The following PHACTR3 variants were observed in gnomAD, a reference collection of about 807,000 sequenced individuals.
The protein encoded by PHACTR3 is phosphatase and actin regulator 3.
A neutral mutation model predicts 66.8 loss-of-function variants in PHACTR3; 16 were observed. The ratio of observed to expected loss-of-function variants is 0.24; its 90% CI spans 0.16 to 0.36. The LOEUF (loss-of-function observed/expected upper bound fraction) is 0.36. Ranked by LOEUF, PHACTR3 falls within the 10% of genes least tolerant of loss-of-function variation. The pLI, the probability that PHACTR3 is intolerant of heterozygous loss-of-function variation, is 1.00. For synonymous variants in PHACTR3, 323 were observed against 292.1 expected, an observed-to-expected ratio of 1.11 and a Z score of -1.08; for missense variants, 647 against 719.9, an observed-to-expected ratio of 0.90 and a Z score of 1.16.
intron 1 of PHACTR3, among the ~76,000 whole-genome samples, chr20:59,734,148 T>C (rs1403434782): frequency 6.6e-6 from 1 of 152,186 alleles, no homozygotes; most frequent in African/African-American, 2.4e-5. Flanking sequence ...CTCTGTTCCA[T>C]AGACCATAAG....
At chr20:59,744,825 G>A (rs928400416) in intron 2 of PHACTR3, among the ~76,000 whole-genome samples, 13 of 152,314 alleles carry the variant, frequency 8.5e-5, no homozygotes, top group Admixed American at 2.6e-4. Context: ...AGAGCTTTCC[G>A]CAGAGTAGGG....
At chr20:59,757,569 C>T (rs1192359767) in intron 4 of PHACTR3, among the ~76,000 whole-genome samples, 1 of 152,122 alleles carries the variant, frequency 6.6e-6, no homozygotes, top group Non-Finnish European at 1.5e-5. Context: ...AGGTGTCTGA[C>T]ACAGCCACTC....
At chr20:59,679,172 C>T (rs542139832) in intron 1 of PHACTR3, among the ~76,000 whole-genome samples, 3 of 152,086 alleles carry the variant, frequency 2.0e-5, no homozygotes, top group East Asian at 1.9e-4. Flanking sequence ...CCTGTCCACG[C>T]GGTTGAAGAT....
At chr20:59,625,218 G>T (rs927511217) in intron 1 of PHACTR3, among the ~76,000 whole-genome samples, 2 of 152,052 alleles carry the variant, frequency 1.3e-5, no homozygotes, top group African/African-American at 4.8e-5. Flanking sequence ...GGTCTGCAGA[G>T]ATCTCTCTGG....
chr20:59,723,092 TTC>T (rs1199058974), intron 1 of PHACTR3, among the ~76,000 whole-genome samples: 1 of 150,550 alleles, frequency 6.6e-6, no homozygotes, highest in African/African-American at 2.5e-5. Context: ...CTTTCTTTCT[TTC>T]TTTCTTTCTT....
chr20:59,781,226 G>A (rs1336376202), intron 7 of PHACTR3, among the ~76,000 whole-genome samples: 1 of 152,194 alleles, frequency 6.6e-6, no homozygotes, highest in African/African-American at 2.4e-5. Flanking sequence ...TGCCTGCTTA[G>A]CAAGGGACAA....
chr20:59,624,105 C>T (rs2034362598), intron 1 of PHACTR3, among the ~76,000 whole-genome samples: 1 of 152,058 alleles, frequency 6.6e-6, no homozygotes, highest in Non-Finnish European at 1.5e-5. Context: ...ATGGCTGGGG[C>T]AGTGTCTCTA....
rs1259714870 is a variant in PHACTR3 at position 59,755,371 on chromosome 20, G to T, written c.541+7G>T. ...GCCCACTTGGACGATGCAGGTACTG[G>T]CTGGAGACCACGCGAAGTTGAGCTG... On this transcript the variant is annotated splice_region_variant and intron_variant, in intron 4 of 12. Coordinates refer to ENST00000371015, the MANE Select transcript of PHACTR3 (RefSeq NM_080672.5). 5 of 1,612,112 alleles carry T rather than the reference G, an allele frequency of 3.1e-6. No homozygotes were observed. In the Admixed American group the frequency reaches 8.3e-5, roughly 27 times the overall value.
intron 8 of PHACTR3, among the ~76,000 whole-genome samples, chr20:59,824,817 A>G (rs894793136): frequency 2.6e-5 from 4 of 152,118 alleles, no homozygotes; most frequent in Non-Finnish European, 5.9e-5. Context: ...CACTCCTGTC[A>G]ACATTGTGGA....
At chr20:59,597,871 A>G (rs1180345644) in intron 1 of PHACTR3, among the ~76,000 whole-genome samples, 1 of 152,240 alleles carries the variant, frequency 6.6e-6, no homozygotes, top group East Asian at 1.9e-4. Context: ...CAGGACTGCA[A>G]ACTGCACCTG....
chr20:59,638,811 C>T (rs56087006), intron 1 of PHACTR3, among the ~76,000 whole-genome samples: 8,736 of 140,546 alleles, frequency 0.062, 471 homozygotes, highest in African/African-American at 0.13. Context: ...GATGGATGGA[C>T]GAATGGATGG....
chr20:59,786,830 G>A (rs1269635120), intron 7 of PHACTR3, among the ~76,000 whole-genome samples: 1 of 152,170 alleles, frequency 6.6e-6, no homozygotes, highest in African/African-American at 2.4e-5. Flanking sequence ...CAGTTGACGG[G>A]TGTCCATGGA....
chr20:59,838,127 G>C (rs911899891), intron 9 of PHACTR3, among the ~76,000 whole-genome samples: 4 of 152,184 alleles, frequency 2.6e-5, no homozygotes, highest in Admixed American at 2.6e-4. Flanking sequence ...CTTCATCAGT[G>C]AATGTAGGTT....
chr20:59,648,989 C>T (rs1437746052), intron 1 of PHACTR3, among the ~76,000 whole-genome samples: 4 of 152,230 alleles, frequency 2.6e-5, no homozygotes, highest in South Asian at 2.1e-4. Flanking sequence ...ATATAGGCAT[C>T]GAAGCATCAG....
At chr20:59,732,555 C>G (rs998291791) in intron 1 of PHACTR3, among the ~76,000 whole-genome samples, 5 of 152,116 alleles carry the variant, frequency 3.3e-5, no homozygotes, top group Admixed American at 3.3e-4. Flanking sequence ...TTCTTAGCAC[C>G]TCCACTAACC....
At chr20:59,752,337 G>T (rs1289869362) in intron 3 of PHACTR3, among the ~76,000 whole-genome samples, 1 of 152,230 alleles carries the variant, frequency 6.6e-6, no homozygotes, top group Non-Finnish European at 1.5e-5. Flanking sequence ...GGCTGCTCAG[G>T]TGCACTGCCC....
intron 7 of PHACTR3, 132 bp from the exon 8 acceptor site, chr20:59,805,909 G>C: frequency 1.0e-6 from 1 of 983,660 alleles, no homozygotes; most frequent in Non-Finnish European, 1.5e-6. Flanking sequence ...TGTCCTCTCA[G>C]TTCTAGCCAC....
At chr20:59,748,376 G>A (rs982524105) in intron 3 of PHACTR3, among the ~76,000 whole-genome samples, 1 of 152,146 alleles carries the variant, frequency 6.6e-6, no homozygotes, top group African/African-American at 2.4e-5. Context: ...AGGCGTGGGA[G>A]GGTCTGGGTG....
At position 59,743,143 on chromosome 20, in the gene PHACTR3, A is replaced by T. The variant is rs760777308; in HGVS notation, c.155A>T (p.Tyr52Phe). 1 of 1,614,032 alleles carries T rather than the reference A, an allele frequency of 6.2e-7. No homozygotes were observed. Among genetic ancestry groups the T allele is most frequent in the Non-Finnish European group, 8.5e-7 (1 of 1,179,938 alleles). Residue 52 changes from tyrosine (Y) to phenylalanine (F), a missense_variant, in exon 2 of 13, where the codon TAT (tyrosine) becomes TTT (phenylalanine). By Grantham distance (22) the Tyr-to-Phe change is conservative. Coordinates refer to ENST00000371015, the MANE Select transcript of PHACTR3 (RefSeq NM_080672.5). ...MDQTPPARPE[Y>F]LVSGIRTPPV... Reference sequence around the variant, plus strand: ...CAAACGCCCCCGGCGCGTCCTGAATATCTGGTCTCAGGGATTCGAACTCCC... The same window carrying T: ...CAAACGCCCCCGGCGCGTCCTGAATTTCTGGTCTCAGGGATTCGAACTCCC...
Sources: gnomAD v4.1 joint callset for allele counts (sites outside exome capture counted in the v4.1 genomes callset) on GRCh38, gnomAD v4.1.1 for gene constraint, MANE v1.5 for transcripts, NCBI Gene and HGNC (gene_info 2026-07-23, HGNC 2026-07-21) for gene names.